DLGAP1: variants seen among roughly 807,000 people sequenced by gnomAD.
DLGAP1 encodes disks large-associated protein 1.
DLGAP1 carries 11 observed loss-of-function variants against 90.8 expected under a neutral mutation model. The observed-to-expected ratio is 0.12, with a 90% CI of 0.08 to 0.20. The LOEUF (loss-of-function observed/expected upper bound fraction) is 0.20. DLGAP1 is among the 10% of genes least tolerant of loss of function. DLGAP1 has a pLI of 1.00. For synonymous variants in DLGAP1, 558 were observed against 540.7 expected, an observed-to-expected ratio of 1.03 and a Z score of -0.44; for missense variants, 1,050 against 1,333.8, an observed-to-expected ratio of 0.79 and a Z score of 3.31.
chr18:3,553,924 A>G (rs2053614133), intron 9 of DLGAP1, among the ~76,000 whole-genome samples: 1 of 152,190 alleles, frequency 6.6e-6, no homozygotes, highest in African/African-American at 2.4e-5. Flanking sequence ...GTAAATTTGC[A>G]TACTACTTTT....
chr18:3,930,736 T>C (rs902827185), intron 3 of DLGAP1, among the ~76,000 whole-genome samples: 9 of 152,070 alleles, frequency 5.9e-5, no homozygotes, highest in African/African-American at 2.2e-4. Flanking sequence ...CACTTTCCAG[T>C]GACACTAAAA....
intron 3 of DLGAP1, among the ~76,000 whole-genome samples, chr18:3,884,238 T>C (rs2071252780): frequency 6.6e-6 from 1 of 152,178 alleles, no homozygotes; most frequent in African/African-American, 2.4e-5. Context: ...CATAAGAAAG[T>C]CTCTCTCTAC....
chr18:4,135,192 T>C (rs1370186236), intron 2 of DLGAP1, among the ~76,000 whole-genome samples: 2 of 152,254 alleles, frequency 1.3e-5, no homozygotes, highest in East Asian at 3.9e-4. Flanking sequence ...ATTTCATAGA[T>C]GACTCCCAGG....
chr18:3,525,114 T>C (rs534729871), intron 10 of DLGAP1, among the ~76,000 whole-genome samples: 194 of 152,114 alleles, frequency 1.3e-3, no homozygotes, highest in Non-Finnish European at 2.2e-3. Flanking sequence ...TCAACAACAT[T>C]ATTTTGTTTT....
rs2082176362 is a variant in DLGAP1 at position 4,383,700 on chromosome 18, C to T, written c.-267+71306G>A. On this transcript the variant is annotated intron_variant, in intron 1 of 12. Coordinates refer to ENST00000315677, the MANE Select transcript of DLGAP1 (RefSeq NM_004746.4). The surrounding 1 kb of genome is among the most constrained non-coding windows in gnomAD (Gnocchi z 4.0). The stretch of plus-strand genomic sequence containing the variant: ...GATTATTATACTTCCTTTTGATAAC[C>T]CACATAATATGACCATGTGACTGTT... 6.6e-6 allele frequency among the ~76,000 whole-genome samples: 1 copy of T among 151,968 alleles called. No individual in the cohort carries two copies. Among genetic ancestry groups the T allele is most frequent in the Non-Finnish European group, 1.5e-5 (1 of 67,978 alleles).
At chr18:3,925,368 A>G (rs80274437) in intron 3 of DLGAP1, among the ~76,000 whole-genome samples, 6,959 of 150,898 alleles carry the variant, frequency 0.046, 215 homozygotes, top group South Asian at 0.12. Context: ...ACCCTCTACC[A>G]TGGCCCCTGA....
At chr18:4,229,898 G>A (rs916999763) in intron 1 of DLGAP1, among the ~76,000 whole-genome samples, 1 of 152,008 alleles carries the variant, frequency 6.6e-6, no homozygotes, top group Non-Finnish European at 1.5e-5. Context: ...TCTGAGAAGA[G>A]ATTAATGACC....
intron 5 of DLGAP1, among the ~76,000 whole-genome samples, chr18:3,772,432 TCCCTCCCTCCC>T (rs2064717940): frequency 1.5e-5 from 1 of 68,326 alleles, no homozygotes; most frequent in Non-Finnish European, 3.0e-5. Flanking sequence ...CCTTCCTTCC[TCCCTCCCTCCC>T]TCCCCCCCAC....
At chr18:3,848,934 A>G (rs2069179797) in intron 4 of DLGAP1, among the ~76,000 whole-genome samples, 2 of 152,216 alleles carry the variant, frequency 1.3e-5, no homozygotes, top group South Asian at 2.1e-4. Context: ...TAGCAAGGAT[A>G]TAAAGATTCA....
chr18:4,006,042 T>C (rs2074294782), intron 2 of DLGAP1, among the ~76,000 whole-genome samples: 1 of 152,174 alleles, frequency 6.6e-6, no homozygotes, highest in Non-Finnish European at 1.5e-5. Flanking sequence ...CCTGTGCCAC[T>C]CAGTCCATTT....
intron 7 of DLGAP1, among the ~76,000 whole-genome samples, chr18:3,584,425 C>A (rs990927872): frequency 6.6e-6 from 1 of 152,060 alleles, no homozygotes; most frequent in African/African-American, 2.4e-5. Flanking sequence ...TTTCCTCTGG[C>A]CACTCAGAGG....
intron 1 of DLGAP1, among the ~76,000 whole-genome samples, chr18:4,232,938 G>A (rs1268700956): frequency 6.6e-6 from 1 of 152,140 alleles, no homozygotes; most frequent in Non-Finnish European, 1.5e-5. Flanking sequence ...ACAAGTGTGG[G>A]AACACAGAAG....
At chr18:4,071,379 T>A (rs886452140) in intron 2 of DLGAP1, among the ~76,000 whole-genome samples, 2 of 152,138 alleles carry the variant, frequency 1.3e-5, no homozygotes, top group Admixed American at 6.6e-5. Flanking sequence ...TAGGAAATAA[T>A]AATATGCACA....
chr18:3,698,197 T>C (rs185643984), intron 7 of DLGAP1, among the ~76,000 whole-genome samples: 1 of 152,322 alleles, frequency 6.6e-6, no homozygotes, highest in East Asian at 1.9e-4. Flanking sequence ...TTAAGGTTAA[T>C]ACTGTTTGTG....
chr18:3,754,747 T>G (rs1307298957), intron 5 of DLGAP1, among the ~76,000 whole-genome samples: 1 of 137,810 alleles, frequency 7.3e-6, no homozygotes, highest in African/African-American at 2.8e-5. Context: ...AAAAAAAAAA[T>G]TAGCTGGGCG....
chr18:3,637,110 AC>A, intron 7 of DLGAP1, among the ~76,000 whole-genome samples: 1 of 152,130 alleles, frequency 6.6e-6, no homozygotes, highest in South Asian at 2.1e-4. Context: ...CACAAAATGA[AC>A]CCCTGGATGT....
At chr18:4,059,561 A>G (rs548100946) in intron 2 of DLGAP1, among the ~76,000 whole-genome samples, 1 of 152,244 alleles carries the variant, frequency 6.6e-6, no homozygotes, top group South Asian at 2.1e-4. Flanking sequence ...AAAATACAAA[A>G]TTAGCTGGGT....
At chr18:4,229,958 G>A (rs2078266882) in intron 1 of DLGAP1, among the ~76,000 whole-genome samples, 1 of 151,878 alleles carries the variant, frequency 6.6e-6, no homozygotes, top group East Asian at 1.9e-4. Context: ...GTCTAATAAT[G>A]CAACTAAAAA....
chr18:4,438,884 A>G (rs1218637169), intron 1 of DLGAP1, among the ~76,000 whole-genome samples: 2 of 152,202 alleles, frequency 1.3e-5, no homozygotes, highest in Non-Finnish European at 2.9e-5. Flanking sequence ...AGGAAGCTCA[A>G]AATCACATGA....
Sources: gnomAD v4.1 joint callset for allele counts (sites outside exome capture counted in the v4.1 genomes callset) on GRCh38, gnomAD v4.1.1 for gene constraint, Gnocchi (gnomAD v3.1) non-coding constraint, MANE v1.5 for transcripts, NCBI Gene and HGNC (gene_info 2026-07-23, HGNC 2026-07-21) for gene names.